The following CNOT1 variants were observed in gnomAD, a reference collection of about 807,000 sequenced individuals.
CNOT1 encodes CCR4-associated factor 1.
Under a neutral mutation model 273.8 loss-of-function variants are expected in CNOT1, and 15 were observed. The ratio of observed to expected loss-of-function variants is 0.05; its 90% CI spans 0.04 to 0.08. CNOT1 has a LOEUF of 0.08. CNOT1 is among the 10% of genes least tolerant of loss of function. CNOT1 has a pLI of 1.00. For missense variants in CNOT1, 1,644 were observed against 2,912.2 expected, an observed-to-expected ratio of 0.56 and a Z score of 10.02; for synonymous variants, 1,022 against 1,005.5, an observed-to-expected ratio of 1.02 and a Z score of -0.31.
chr16:58,555,562 G>A (rs756831056), intron 20 of CNOT1, 25 bp from the exon 21 acceptor site: 43 of 1,604,350 alleles, frequency 2.7e-5, no homozygotes, highest in East Asian at 1.3e-4. Flanking sequence ...CAAAAACAAC[G>A]CACACATAAA....
intron 44 of CNOT1, chr16:58,527,991 TA>T: frequency 2.9e-6 from 1 of 348,526 alleles, no homozygotes; most frequent in East Asian, 8.3e-5. Context: ...CGAGTGCCTG[TA>T]ATCCCAGCTA....
At chr16:58,603,525 C>T (rs928527689) in intron 1 of CNOT1, among the ~76,000 whole-genome samples, 1 of 151,036 alleles carries the variant, frequency 6.6e-6, no homozygotes, top group Admixed American at 6.7e-5. Flanking sequence ...AGAAAGAAGC[C>T]GAAGTCTTTA....
Position 58,551,274 on chromosome 16 carries a change from T to TA in CNOT1, c.3202-3dup, listed in dbSNP as rs748913512. Reference sequence around the variant, plus strand: ...TATATTTGTAGTATTAATAGAAGGCTAAAAAAAAAAAATAAAGTACATAAG... The same window carrying TA: ...TATATTTGTAGTATTAATAGAAGGCTAAAAAAAAAAAAATAAAGTACATAAG... On this transcript the variant is annotated splice_polypyrimidine_tract_variant and splice_region_variant and intron_variant, in intron 23 of 48. Coordinates refer to ENST00000317147, the MANE Select transcript of CNOT1 (RefSeq NM_016284.5). 10,933 of 1,188,066 alleles carry TA rather than the reference T, an allele frequency of 9.2e-3. No homozygotes were observed. Among genetic ancestry groups the TA allele is most frequent in the South Asian group, 0.013 (855 of 63,476 alleles). 73.6% of individuals were successfully genotyped at this position (1,188,066 alleles called of 1,614,324 possible).
rs543494023 is a variant in CNOT1, at chr16:58,588,789, C to G, written c.210+10G>C. 36 of 1,612,598 alleles carry G rather than the reference C, an allele frequency of 2.2e-5. No individual in the cohort carries two copies. In the South Asian group the frequency reaches 2.6e-4, roughly 12 times the overall value. On this transcript the variant is annotated intron_variant, in intron 3 of 48. Transcript: ENST00000317147. The stretch of plus-strand genomic sequence containing the variant: ...GCTAAGTGGACATGAACTCTGTAAG[C>G]CCCAAATACCTGATGGAAATCTTTG...
At chr16:58,568,757 C>T (rs1597477138) in intron 16 of CNOT1, among the ~76,000 whole-genome samples, 1 of 151,634 alleles carries the variant, frequency 6.6e-6, no homozygotes, top group East Asian at 1.9e-4. Flanking sequence ...TGGCTTAGTG[C>T]TGAATTGATT....
chr16:58,612,158 T>C (rs1310762584), intron 1 of CNOT1, among the ~76,000 whole-genome samples: 1 of 152,088 alleles, frequency 6.6e-6, no homozygotes, highest in Non-Finnish European at 1.5e-5. Context: ...TAAAGGCAGT[T>C]TGGTTTCCCA....
intron 9 of CNOT1, 46 bp from the exon 10 acceptor site, chr16:58,582,949 G>A: frequency 1.2e-6 from 2 of 1,612,954 alleles, no homozygotes; most frequent in Non-Finnish European, 1.7e-6. Context: ...TACTCCATGT[G>A]TTCACTTCTG....
At chr16:58,572,588 C>CTGGG (rs2041312878) in intron 16 of CNOT1, among the ~76,000 whole-genome samples, 1 of 152,000 alleles carries the variant, frequency 6.6e-6, no homozygotes. Context: ...GTACTCCAGC[C>CTGGG]TGGGTGACAT....
chr16:58,626,715 G>A (rs533081909), intron 1 of CNOT1, among the ~76,000 whole-genome samples: 5 of 147,532 alleles, frequency 3.4e-5, no homozygotes, highest in East Asian at 2.1e-4. Context: ...AGCTGAGATC[G>A]CACCACTGCA....
At chr16:58,573,435 T>A (rs953070831) in intron 16 of CNOT1, among the ~76,000 whole-genome samples, 36 of 151,782 alleles carry the variant, frequency 2.4e-4, no homozygotes, top group Non-Finnish European at 3.5e-4. Flanking sequence ...GAGCTAAAAA[T>A]TCAACGTAAT....
Position 58,538,866 on chromosome 16 carries a change from G to T in CNOT1, c.5041C>A (p.Leu1681Met). 1 of 1,610,724 alleles carries T rather than the reference G, an allele frequency of 6.2e-7. No homozygotes were observed. The highest frequency in any genetic ancestry group is 1.1e-5 in the South Asian group (1 of 90,814). ...DATSGADADL[L>M]LRYRECHLLV... ...AGGTGGCATTCCCTGTAGCGCAGCA[G>T]AAGGTCAGCATCAGCACCACTTGTG... The change falls in exon 36 of 49, where the codon CTG becomes ATG. Residue 1681 changes from leucine to methionine, a missense_variant. Leu to Met is a conservative substitution (Grantham distance 15). Transcript: ENST00000317147.
rs768490976 is a variant in CNOT1, at chr16:58,538,811, C to T, written c.5096G>A (p.Arg1699Gln). ...LLVLKALQDG[R>Q]AYGSPWCNKQ... The stretch of plus-strand genomic sequence containing the variant: ...GTTGCACCATGGAGACCCATATGCC[C>T]GGCCATCCTGCAGAGCTTTTAGGAC... The change falls in exon 36 of 49, where the codon CGG (arginine) becomes CAG (glutamine). Residue 1699 changes from arginine to glutamine, a missense_variant. Around this residue, in one of 13 missense-constraint regions of CNOT1, gnomAD observed 170 missense variants for 273.1 expected, o/e 0.62. Transcript: ENST00000317147. 6 of 1,612,494 alleles carry T rather than the reference C, an allele frequency of 3.7e-6. No individual in the cohort carries two copies. Among genetic ancestry groups the T allele is most frequent in the African/African-American group, 1.3e-5 (1 of 74,306 alleles).
At chr16:58,550,521 GTTTAT>G (rs986905790) in intron 24 of CNOT1, among the ~76,000 whole-genome samples, 6 of 151,872 alleles carry the variant, frequency 4.0e-5, no homozygotes, top group Non-Finnish European at 7.4e-5. Context: ...AGTTTTTCTA[GTTTAT>G]TTTATTCTTT....
At chr16:58,558,237 C>T (rs1342793004) in intron 18 of CNOT1, among the ~76,000 whole-genome samples, 2 of 152,098 alleles carry the variant, frequency 1.3e-5, no homozygotes. Context: ...ATAAAAAATC[C>T]TTACTAAATA....
At chr16:58,541,415 A>C (rs2040093061) in intron 34 of CNOT1, 86 bp downstream of exon 34, 1 of 1,547,312 alleles carries the variant, frequency 6.5e-7, no homozygotes, top group Non-Finnish European at 8.7e-7. Context: ...TTATTCTCCC[A>C]GGAAGCAAGT....
chr16:58,585,835 A>T (rs1421587702), intron 7 of CNOT1, among the ~76,000 whole-genome samples: 1 of 152,198 alleles, frequency 6.6e-6, no homozygotes, highest in Non-Finnish European at 1.5e-5. Context: ...TCAAAAACAA[A>T]CAATTAGAAT....
At chr16:58,579,013 A>C in intron 12 of CNOT1, 74 bp from the exon 13 acceptor site, 2 of 1,544,280 alleles carry the variant, frequency 1.3e-6, no homozygotes, top group Non-Finnish European at 1.7e-6. Flanking sequence ...AATAAGTGAT[A>C]CCAGCTTGTA....
In CNOT1 at chr16:58,569,199, T is replaced by A. The variant is rs767938983; in HGVS notation, c.1979+5410A>T. Among the ~76,000 whole-genome samples the A allele has an allele frequency of 3.3e-5, 5 of 152,296 alleles. No homozygotes were observed. In the East Asian group the frequency reaches 9.7e-4, roughly 29 times the overall value. On this transcript the variant is annotated intron_variant, in intron 16 of 48. Coordinates refer to ENST00000317147, the MANE Select transcript of CNOT1 (RefSeq NM_016284.5). ...GTGCAGTGGCACAAACTCGGCTCAG[T>A]GTACCTTCCATCTCCTGGGTTCAAG...
In CNOT1 at chr16:58,526,149, T is replaced by C. The variant is rs1306540373; in HGVS notation, c.6454-11A>G. Reference sequence around the variant, plus strand: ...ACTCAACATGTCCACCTGCCACAGATAAAATGCAAGAATCACAAGCAGAAT... The same window carrying C: ...ACTCAACATGTCCACCTGCCACAGACAAAATGCAAGAATCACAAGCAGAAT... On this transcript the variant is annotated splice_polypyrimidine_tract_variant and intron_variant, in intron 44 of 48. Transcript: ENST00000317147. The C allele has an allele frequency of 1.9e-6, 3 of 1,613,602 alleles. No homozygotes were observed. The highest frequency in any genetic ancestry group is 2.2e-5 in the South Asian group (2 of 91,030).
Sources: allele counts gnomAD v4.1 joint callset (sites outside exome capture counted in the v4.1 genomes callset), GRCh38; gene constraint gnomAD v4.1.1; regional missense constraint gnomAD v4.1.1; transcripts MANE v1.5; gene names NCBI Gene and HGNC (gene_info 2026-07-23, HGNC 2026-07-21).